TERB1: variants seen among roughly 807,000 people sequenced by gnomAD.
TERB1 encodes telomere repeat binding bouquet formation protein 1.
In TERB1, 63 loss-of-function variants were observed where a neutral mutation model predicts 92.3. The ratio of observed to expected loss-of-function variants is 0.68; its 90% CI spans 0.56 to 0.84. The LOEUF is 0.84. Ranked by LOEUF, TERB1 falls within the 40% of genes least tolerant of loss-of-function variation. TERB1 has a pLI of 0.00. For synonymous variants in TERB1, 252 were observed against 283.9 expected, an observed-to-expected ratio of 0.89 and a Z score of 1.13; for missense variants, 709 against 843.7, an observed-to-expected ratio of 0.84 and a Z score of 1.98.
intron 9 of TERB1, among the ~76,000 whole-genome samples, chr16:66,780,448 T>C (rs1167456622): frequency 2.0e-5 from 3 of 151,898 alleles, no homozygotes; most frequent in Non-Finnish European, 2.9e-5. Flanking sequence ...TGTGTGCCTG[T>C]AGTCCCAGCA....
At chr16:66,762,190 C>G (rs1226095474) in intron 16 of TERB1, among the ~76,000 whole-genome samples, 1 of 152,216 alleles carries the variant, frequency 6.6e-6, no homozygotes, top group African/African-American at 2.4e-5. Flanking sequence ...ATTTCAAACA[C>G]TGAACTCCCA....
At chr16:66,756,401 T>C (rs971455480) in intron 18 of TERB1, among the ~76,000 whole-genome samples, 1 of 152,250 alleles carries the variant, frequency 6.6e-6, no homozygotes, top group Non-Finnish European at 1.5e-5. Context: ...GTAAGCTCCA[T>C]GAGGGCAGCA....
rs750047117 is a variant in TERB1, at chr16:66,790,690, C to A, written c.176G>T (p.Gly59Val). 5 of 1,550,924 alleles carry A rather than the reference C, an allele frequency of 3.2e-6. No homozygotes were observed. In the South Asian group the frequency reaches 6.0e-5, roughly 18 times the overall value. The change falls in exon 5 of 19, where the codon GGT becomes GTT. Residue 59 changes from glycine to valine, a missense_variant. Transcript: ENST00000433154. ...NASVYFREIG[G>V]LMFVKNLAKS... ...TGCAAGATTTTTTACAAACATCAAACCACCAATTTCCCGAAAATAAACACT... is the reference window on the plus strand; with the variant it reads ...TGCAAGATTTTTTACAAACATCAAAACACCAATTTCCCGAAAATAAACACT...
intron 16 of TERB1, among the ~76,000 whole-genome samples, chr16:66,759,734 G>T (rs1280199775): frequency 6.9e-6 from 1 of 144,736 alleles, no homozygotes; most frequent in East Asian, 2.1e-4. Flanking sequence ...GGAGGTGGAG[G>T]TTTCAGTGAG....
Position 66,770,125 on chromosome 16 carries a change from G to A in TERB1, c.1457C>T (p.Thr486Ile). ...KSHGVMSKAC[T>I]NDDQMKTPLK... ...CGGTGTCTTCATTTGGTCATCATTT[G>A]TACATGCTTTAGACATGACTCCATG... The change falls in exon 14 of 19, where the codon ACA becomes ATA. Residue 486 changes from threonine to isoleucine, a missense_variant. Transcript: ENST00000433154. 1.9e-6 allele frequency: 3 copies of A among 1,552,212 alleles called. No individual in the cohort carries two copies. The highest frequency in any genetic ancestry group is 2.6e-6 in the Non-Finnish European group (3 of 1,147,104).
At chr16:66,765,849 A>ATTTTTTTTTTTTT (rs10564947) in intron 16 of TERB1, among the ~76,000 whole-genome samples, 2 of 62,460 alleles carry the variant, frequency 3.2e-5, no homozygotes, top group Non-Finnish European at 5.5e-5. Flanking sequence ...ACTATTGGGT[A>ATTTTTTTTTTTTT]TTTTTTTTTT....
At chr16:66,792,918 G>C (rs77248665) in intron 3 of TERB1, among the ~76,000 whole-genome samples, 6,731 of 152,028 alleles carry the variant, frequency 0.044, 235 homozygotes, top group Admixed American at 0.082. Flanking sequence ...CGAGTGAGTG[G>C]TGAATGAATG....
intron 16 of TERB1, among the ~76,000 whole-genome samples, chr16:66,759,626 C>T (rs1294538948): frequency 2.0e-5 from 3 of 150,952 alleles, no homozygotes; most frequent in Non-Finnish European, 3.0e-5. Flanking sequence ...GGTGAAACCT[C>T]GTCTCTACTA....
intron 17 of TERB1, 28 bp from the exon 18 acceptor site, chr16:66,758,866 A>C (rs200931180): frequency 7.1e-7 from 1 of 1,404,336 alleles, no homozygotes; most frequent in East Asian, 2.5e-5. Flanking sequence ...CATTTAGCAC[A>C]TTTAGCGTAT....
intron 9 of TERB1, among the ~76,000 whole-genome samples, chr16:66,785,266 C>T (rs2145200931): frequency 6.6e-6 from 1 of 152,224 alleles, no homozygotes; most frequent in Middle Eastern, 3.4e-3. Context: ...TGGTCTTGAA[C>T]TCCTGACCTC....
At chr16:66,797,963 G>A (rs1372336846) in intron 2 of TERB1, among the ~76,000 whole-genome samples, 2 of 151,520 alleles carry the variant, frequency 1.3e-5, no homozygotes, top group Non-Finnish European at 2.9e-5. Flanking sequence ...ACTTCTTAGA[G>A]CAACAAATCA....
Position 66,767,407 on chromosome 16 carries a change from A to C in TERB1, c.1780+8T>G. 6.8e-7 allele frequency: 1 copy of C among 1,478,604 alleles called. No individual in the cohort carries two copies. Among genetic ancestry groups the C allele is most frequent in the Non-Finnish European group, 9.1e-7 (1 of 1,101,686 alleles). The allele number at this position is 1,478,604 out of a possible 1,614,324, so 91.6% of individuals were successfully genotyped here. A position where few individuals can be genotyped will look rare whatever the true frequency, so the allele number is the denominator to read the frequency against. On this transcript the variant is annotated splice_region_variant and intron_variant, in intron 16 of 18. Coordinates refer to ENST00000433154, the MANE Select transcript of TERB1 (RefSeq NM_001136505.2). ...CTGTGAAACAACTGCAATTAAAAAA[A>C]TACTTACCTGAGCACCTATACGTCA...
intron 1 of TERB1, 51 bp from the exon 2 acceptor site, chr16:66,801,104 C>G (rs554993707): frequency 3.9e-5 from 6 of 152,566 alleles, no homozygotes; most frequent in African/African-American, 1.2e-4. Context: ...CGTGAGCCAT[C>G]AGCACCCTCA....
intron 13 of TERB1, among the ~76,000 whole-genome samples, chr16:66,770,595 T>C (rs1285441469): frequency 2.0e-5 from 3 of 152,146 alleles, no homozygotes; most frequent in Non-Finnish European, 2.9e-5. Flanking sequence ...AAGTCATATA[T>C]GTTCTAAAAG....
intron 13 of TERB1, among the ~76,000 whole-genome samples, chr16:66,771,970 T>C (rs184877574): frequency 1.3e-5 from 2 of 152,332 alleles, no homozygotes; most frequent in East Asian, 3.9e-4. Context: ...TTCTCTTTCT[T>C]GAACCCCAAT....
At chr16:66,796,147 G>T (rs2018926313) in intron 3 of TERB1, among the ~76,000 whole-genome samples, 1 of 152,060 alleles carries the variant, frequency 6.6e-6, no homozygotes, top group South Asian at 2.1e-4. Flanking sequence ...ACTGCAATCG[G>T]GCTAAAATCT....
At chr16:66,780,329 G>A (rs2018614670) in intron 9 of TERB1, among the ~76,000 whole-genome samples, 1 of 152,034 alleles carries the variant, frequency 6.6e-6, no homozygotes, top group Non-Finnish European at 1.5e-5. Context: ...AGAGGCTGAG[G>A]CAGGAGGATT....
At chr16:66,760,581 T>C (rs1597007580) in intron 16 of TERB1, among the ~76,000 whole-genome samples, 2 of 123,938 alleles carry the variant, frequency 1.6e-5, no homozygotes, top group African/African-American at 3.2e-5. Context: ...AGGTCAGGAG[T>C]TCGAGACCAG....
At chr16:66,773,187 A>G (rs1253420033) in intron 12 of TERB1, among the ~76,000 whole-genome samples, 1 of 146,022 alleles carries the variant, frequency 6.8e-6, no homozygotes, top group East Asian at 2.0e-4. Context: ...AAAAAAAATT[A>G]GCCAGGCATT....
Sources: allele counts gnomAD v4.1 joint callset (sites outside exome capture counted in the v4.1 genomes callset), GRCh38; gene constraint gnomAD v4.1.1; transcripts MANE v1.5; gene names NCBI Gene and HGNC (gene_info 2026-07-23, HGNC 2026-07-21).